Variants in EIF4G3 observed in about 807,000 individuals in gnomAD.
The protein encoded by EIF4G3 is eukaryotic translation initiation factor 4 gamma 3, also known as eIF-4-gamma 3.
A neutral mutation model predicts 186.4 loss-of-function variants in EIF4G3; 34 were observed. The observed-to-expected ratio is 0.18, with a 90% CI of 0.14 to 0.24. EIF4G3 has a LOEUF of 0.24. EIF4G3 is among the 10% of genes least tolerant of loss of function. The pLI is 1.00. For synonymous variants in EIF4G3, 673 were observed against 679.5 expected, an observed-to-expected ratio of 0.99 and a Z score of 0.15; for missense variants, 1,536 against 1,948.5, an observed-to-expected ratio of 0.79 and a Z score of 3.99.
intron 2 of EIF4G3, among the ~76,000 whole-genome samples, chr1:21,156,350 A>G (rs1401711359): frequency 1.3e-5 from 2 of 152,142 alleles, no homozygotes; most frequent in African/African-American, 2.4e-5. Flanking sequence ...GACACTGCAT[A>G]GACTAATAAT....
intron 2 of EIF4G3, among the ~76,000 whole-genome samples, chr1:21,129,054 C>T (rs931782826): frequency 6.6e-6 from 1 of 152,136 alleles, no homozygotes; most frequent in Non-Finnish European, 1.5e-5. Context: ...GTAGCTCATG[C>T]CTGTAATCCC....
intron 29 of EIF4G3, among the ~76,000 whole-genome samples, chr1:20,841,976 C>T (rs2068773233): frequency 6.7e-6 from 1 of 149,794 alleles, no homozygotes; most frequent in South Asian, 2.1e-4. Flanking sequence ...CTCACCACTG[C>T]CGCTTTTTCC....
intron 4 of EIF4G3, among the ~76,000 whole-genome samples, chr1:21,036,370 T>C (rs1256334338): frequency 6.6e-6 from 1 of 152,132 alleles, no homozygotes; most frequent in Non-Finnish European, 1.5e-5. Context: ...TCAATCTTCC[T>C]GGACGCAGGA....
At chr1:20,894,208 G>C (rs17410008) in intron 17 of EIF4G3, among the ~76,000 whole-genome samples, 46,941 of 152,032 alleles carry the variant, frequency 0.31, 8,091 homozygotes, top group Non-Finnish European at 0.39. Flanking sequence ...TGTGACCATG[G>C]ACAACATAAA....
chr1:21,149,341 CT>C (rs1281601512), intron 2 of EIF4G3, among the ~76,000 whole-genome samples: 6 of 151,198 alleles, frequency 4.0e-5, no homozygotes, highest in Admixed American at 1.3e-4. Context: ...AACTGTTATT[CT>C]TTTTTTTTCC....
At chr1:20,992,794 C>G (rs537446533) in intron 7 of EIF4G3, among the ~76,000 whole-genome samples, 2 of 152,024 alleles carry the variant, frequency 1.3e-5, no homozygotes, top group Non-Finnish European at 2.9e-5. Context: ...TTGTGAAACC[C>G]CAAAGTAAAA....
rs1454168501 is a variant in EIF4G3 at position 21,150,894 on chromosome 1, T to TA, written c.-272+25280dup. Among the ~76,000 whole-genome samples the TA allele has an allele frequency of 4.6e-5, 7 of 152,258 alleles. No homozygotes were observed. In the South Asian group the frequency reaches 6.2e-4, roughly 14 times the overall value. On this transcript the variant is annotated intron_variant, in intron 2 of 36. Coordinates refer to ENST00000602326, the MANE Select transcript of EIF4G3 (RefSeq NM_001391906.1). The stretch of plus-strand genomic sequence containing the variant: ...GGGAGGCTGAGGCAGAAGAATCGCT[T>TA]AAACTCAGGAGGCAGAGGTTGCAGT...
intron 2 of EIF4G3, among the ~76,000 whole-genome samples, chr1:21,128,223 T>C (rs2097087953): frequency 7.6e-6 from 1 of 131,802 alleles, no homozygotes; most frequent in Admixed American, 7.7e-5. Flanking sequence ...AAAAAAAAAG[T>C]TTCGGCTGGG....
At chr1:20,927,101 T>C (rs2094958816) in intron 14 of EIF4G3, among the ~76,000 whole-genome samples, 1 of 151,144 alleles carries the variant, frequency 6.6e-6, no homozygotes, top group East Asian at 1.9e-4. Context: ...TGGAGTGCAC[T>C]GGTGCAATTG....
rs570721792 is a variant in EIF4G3, at chr1:21,148,644, G to A, written c.-272+27531C>T. 1.1e-3 allele frequency among the ~76,000 whole-genome samples: 163 copies of A among 150,196 alleles called. 1 individual carries two copies. Among genetic ancestry groups the A allele is most frequent in the Non-Finnish European group, 1.8e-3 (120 of 67,730 alleles). On this transcript the variant is annotated intron_variant, in intron 2 of 36. Transcript: ENST00000602326. Reference sequence around the variant, plus strand: ...GTGAACCCAGGAGGCGGAGCTTGCAGTGAGCCGAGATCGCGCCACTGCACT... The same window carrying A: ...GTGAACCCAGGAGGCGGAGCTTGCAATGAGCCGAGATCGCGCCACTGCACT...
intron 4 of EIF4G3, among the ~76,000 whole-genome samples, chr1:21,041,106 C>T (rs1156620945): frequency 6.6e-6 from 1 of 152,074 alleles, no homozygotes; most frequent in Admixed American, 6.5e-5. Flanking sequence ...AATTCGACTA[C>T]ATTTTAATTT....
intron 3 of EIF4G3, among the ~76,000 whole-genome samples, chr1:21,069,196 T>G (rs1291561390): frequency 6.6e-6 from 1 of 152,228 alleles, no homozygotes; most frequent in Non-Finnish European, 1.5e-5. Flanking sequence ...CAGTCCAAAC[T>G]TGCTGCCCAC....
chr1:21,171,360 T>A (rs969857993), intron 2 of EIF4G3, among the ~76,000 whole-genome samples: 1 of 152,206 alleles, frequency 6.6e-6, no homozygotes, highest in Non-Finnish European at 1.5e-5. Context: ...ATGAACTAAC[T>A]GTATCATCAC....
intron 3 of EIF4G3, among the ~76,000 whole-genome samples, chr1:21,067,234 G>A (rs1213104738): frequency 5.4e-5 from 8 of 148,826 alleles, no homozygotes; most frequent in Non-Finnish European, 1.0e-4. Context: ...TGGGGTTTAA[G>A]GGATTCTCCT....
intron 2 of EIF4G3, 41 bp from the exon 3 acceptor site, chr1:21,089,254 T>C (rs978478929): frequency 2.8e-6 from 2 of 708,190 alleles, no homozygotes; most frequent in Non-Finnish European, 2.6e-6. Flanking sequence ...CAAAAATGGA[T>C]GCTTAATAGT....
intron 29 of EIF4G3, among the ~76,000 whole-genome samples, chr1:20,842,733 CACAG>C (rs1398385387): frequency 1.3e-5 from 2 of 152,168 alleles, no homozygotes; most frequent in Non-Finnish European, 2.9e-5. Context: ...ATCTGTACCT[CACAG>C]ACAGTCTTAG....
At chr1:20,846,259 C>T (rs2070976917) in intron 29 of EIF4G3, among the ~76,000 whole-genome samples, 1 of 152,142 alleles carries the variant, frequency 6.6e-6, no homozygotes, top group Admixed American at 6.5e-5. Context: ...TTCCTCTCTT[C>T]CTATCTGAAT....
At chr1:21,139,414 C>A (rs555275013) in intron 2 of EIF4G3, among the ~76,000 whole-genome samples, 4 of 152,088 alleles carry the variant, frequency 2.6e-5, no homozygotes, top group South Asian at 4.2e-4. Flanking sequence ...ACAATCTCAC[C>A]ACTGCACTCC....
intron 2 of EIF4G3, chr1:21,174,866 A>T (rs1272288025): frequency 6.6e-6 from 1 of 152,224 alleles, no homozygotes; most frequent in African/African-American, 2.4e-5. Flanking sequence ...CGGTGCCTGG[A>T]TTGAAAATCA....
Sources: gnomAD v4.1 joint callset for allele counts (sites outside exome capture counted in the v4.1 genomes callset) on GRCh38, gnomAD v4.1.1 for gene constraint, MANE v1.5 for transcripts, NCBI Gene and HGNC (gene_info 2026-07-23, HGNC 2026-07-21) for gene names.